The following LRRC7 variants were observed in gnomAD, a reference collection of about 807,000 sequenced individuals.
LRRC7 encodes leucine rich repeat containing 7.
In LRRC7, 23 loss-of-function variants were observed where a neutral mutation model predicts 175.7. That is an observed-to-expected ratio of 0.13 (90% CI 0.09 to 0.19). LRRC7 has a LOEUF of 0.19. LRRC7 is among the 10% of genes least tolerant of loss of function. The probability of loss-of-function intolerance (pLI) is 1.00; values close to 1 mark genes in which losing one functional copy is unlikely to be tolerated. For missense variants in LRRC7, 1,354 were observed against 1,904.7 expected (o/e 0.71, Z 5.38); for synonymous variants, 685 against 680.9 (o/e 1.01, Z -0.09).
chr1:70,087,276 A>G (rs868218456), intron 24 of LRRC7, among the ~76,000 whole-genome samples: 7 of 152,226 alleles, frequency 4.6e-5, no homozygotes, highest in Non-Finnish European at 7.3e-5. Context: ...TTTGTAAATT[A>G]AACCTGTTAC....
chr1:70,046,484 T>G (rs1285478382), intron 22 of LRRC7, among the ~76,000 whole-genome samples: 1 of 151,994 alleles, frequency 6.6e-6, no homozygotes, highest in Non-Finnish European at 1.5e-5. Flanking sequence ...TCAAAATAAA[T>G]TATCGTCAAT....
chr1:70,133,073 A>C lies in LRRC7; in HGVS notation c.*11186A>C, dbSNP rs1424650218. 1.3e-5 allele frequency among the ~76,000 whole-genome samples: 2 copies of C among 152,166 alleles called. No individual in the cohort carries two copies. Among genetic ancestry groups the C allele is most frequent in the Non-Finnish European group, 2.9e-5 (2 of 68,026 alleles). On this transcript the variant is annotated 3_prime_UTR_variant, in exon 27 of 27. Transcript: ENST00000651989. ...ATACTATCCTCATATTTAGTTGTAC[A>C]CATCCGCATACTCTTTTAAAGAAAC... is the stretch of plus-strand genomic sequence containing the variant.
chr1:69,661,756 A>G (rs1170142323), intron 1 of LRRC7, among the ~76,000 whole-genome samples: 2 of 152,194 alleles, frequency 1.3e-5, no homozygotes, highest in Non-Finnish European at 2.9e-5. Flanking sequence ...AGATTATAAA[A>G]TGAATGTCAT....
chr1:70,035,855 T>G (rs1659261961), intron 18 of LRRC7, among the ~76,000 whole-genome samples: 1 of 152,048 alleles, frequency 6.6e-6, no homozygotes, highest in African/African-American at 2.4e-5. Context: ...TTGTCTTTCT[T>G]TGGAACCTCC....
In LRRC7 at chr1:69,575,229, C is replaced by G. The variant is rs113051819; in HGVS notation, c.2+6588C>G. Among the ~76,000 whole-genome samples, 269 of 152,222 alleles carry G rather than the reference C, an allele frequency of 1.8e-3. 1 individual carries two copies. The highest frequency in any genetic ancestry group is 6.3e-3 in the African/African-American group (263 of 41,534). ...AGCAATAAAATCAGGTCTTGTAGCT[C>G]CCACTGTCTGCCAGTAAAACCACAC... On this transcript the variant is annotated intron_variant, in intron 1 of 26. Coordinates refer to ENST00000651989, the MANE Select transcript of LRRC7 (RefSeq NM_001370785.2).
chr1:69,569,434 G>A (rs969206497), intron 1 of LRRC7, among the ~76,000 whole-genome samples: 1 of 151,944 alleles, frequency 6.6e-6, no homozygotes, highest in African/African-American at 2.4e-5. Context: ...CCTCCTCTCC[G>A]AGTTATTAAG....
Position 69,756,121 on chromosome 1 carries a change from G to T in LRRC7, c.101-4070G>T, listed in dbSNP as rs527519213. Among the ~76,000 whole-genome samples, 49 of 151,830 alleles carry T rather than the reference G, an allele frequency of 3.2e-4. 1 individual carries two copies. Among genetic ancestry groups the T allele is most frequent in the Non-Finnish European group, 6.2e-4 (42 of 67,886 alleles). On this transcript the variant is annotated intron_variant, in intron 2 of 26. Transcript: ENST00000651989. ...ATACTATGAAAAAAGATGATTCAGG[G>T]AACAACATACAACTCTTGTAAGTAA...
chr1:69,690,170 T>A (rs958320379), intron 2 of LRRC7, among the ~76,000 whole-genome samples: 1 of 152,168 alleles, frequency 6.6e-6, no homozygotes, highest in Non-Finnish European at 1.5e-5. Flanking sequence ...CTACATAGGA[T>A]ATAATTTTTT....
At chr1:69,667,844 A>G (rs370777355) in intron 1 of LRRC7, among the ~76,000 whole-genome samples, 12 of 151,878 alleles carry the variant, frequency 7.9e-5, no homozygotes, top group African/African-American at 2.9e-4. Flanking sequence ...CTGCCTTTTT[A>G]TCATTTGTTT....
At chr1:69,657,839 C>A (rs1570213029) in intron 1 of LRRC7, among the ~76,000 whole-genome samples, 1 of 151,902 alleles carries the variant, frequency 6.6e-6, no homozygotes, top group East Asian at 1.9e-4. Flanking sequence ...TCACCACAGT[C>A]ACAGACTTAT....
At chr1:69,793,522 C>T (rs1175060776) in intron 4 of LRRC7, among the ~76,000 whole-genome samples, 5 of 151,858 alleles carry the variant, frequency 3.3e-5, no homozygotes, top group Non-Finnish European at 7.4e-5. Context: ...TGCTCATTTC[C>T]TTATCACCTT....
intron 23 of LRRC7, among the ~76,000 whole-genome samples, chr1:70,053,903 TATCA>T (rs901382677): frequency 7.2e-5 from 11 of 152,200 alleles, no homozygotes; most frequent in Admixed American, 5.9e-4. Flanking sequence ...TGAACCTTTT[TATCA>T]ATCAGGGAAA....
intron 7 of LRRC7, among the ~76,000 whole-genome samples, chr1:69,889,175 G>A (rs968797600): frequency 2.6e-5 from 4 of 152,294 alleles, no homozygotes; most frequent in East Asian, 1.9e-4. Flanking sequence ...CTTGATGTTA[G>A]TGACTGCTGA....
chr1:69,915,463 C>T (rs1646656994), intron 7 of LRRC7, among the ~76,000 whole-genome samples: 1 of 152,052 alleles, frequency 6.6e-6, no homozygotes, highest in Non-Finnish European at 1.5e-5. Context: ...AAACTTCTGG[C>T]AAAGTGTGCT....
intron 1 of LRRC7, among the ~76,000 whole-genome samples, chr1:69,570,971 T>G (rs1336915276): frequency 1.3e-5 from 2 of 152,206 alleles, no homozygotes; most frequent in African/African-American, 4.8e-5. Flanking sequence ...CTTGGAGATT[T>G]CTTATTTCAT....
chr1:70,023,102 A>G, intron 16 of LRRC7, 24 bp from the exon 17 acceptor site: 1 of 1,393,600 alleles, frequency 7.2e-7, no homozygotes, highest in Non-Finnish European at 9.4e-7. Flanking sequence ...TTCTCCCAGA[A>G]AATGGAGATT....
chr1:70,068,954 C>T (rs1312172511), intron 23 of LRRC7, among the ~76,000 whole-genome samples: 2 of 151,974 alleles, frequency 1.3e-5, no homozygotes, highest in Admixed American at 6.6e-5. Context: ...TTTAAATATT[C>T]GGTAGAAATG....
chr1:69,917,283 G>A (rs1415429009), intron 7 of LRRC7, among the ~76,000 whole-genome samples: 1 of 152,154 alleles, frequency 6.6e-6, no homozygotes, highest in Non-Finnish European at 1.5e-5. Context: ...ACCTACAGTA[G>A]AGATCATATC....
intron 22 of LRRC7, among the ~76,000 whole-genome samples, 172 bp from the exon 23 acceptor site, chr1:70,052,854 T>C (rs574332696): frequency 6.6e-6 from 1 of 152,274 alleles, no homozygotes; most frequent in South Asian, 2.1e-4. Context: ...CAAAAAGCTT[T>C]CAATTTACAG....
Sources: allele counts gnomAD v4.1 joint callset (sites outside exome capture counted in the v4.1 genomes callset), GRCh38; gene constraint gnomAD v4.1.1; transcripts MANE v1.5; gene names NCBI Gene and HGNC (gene_info 2026-07-23, HGNC 2026-07-21).